Variants in KCNQ5 observed in about 807,000 individuals in gnomAD.
The protein encoded by KCNQ5 is potassium voltage-gated channel subfamily KQT member 5.
In KCNQ5, 30 loss-of-function variants were observed where a neutral mutation model predicts 98.2. The ratio of observed to expected loss-of-function variants is 0.31; its 90% CI spans 0.23 to 0.41. KCNQ5 has a LOEUF of 0.41. KCNQ5 is among the 10% of genes least tolerant of loss of function. The pLI is 1.00. For synonymous variants in KCNQ5, 458 were observed against 449.4 expected (o/e 1.02, Z -0.24); for missense variants, 835 against 1,182.5 (o/e 0.71, Z 4.31).
At chr6:73,007,337 T>C (rs544534430) in intron 2 of KCNQ5, among the ~76,000 whole-genome samples, 17 of 152,168 alleles carry the variant, frequency 1.1e-4, no homozygotes, top group Non-Finnish European at 1.9e-4. Flanking sequence ...GAATTCAAAT[T>C]TCACTCCTGT....
intron 1 of KCNQ5, among the ~76,000 whole-genome samples, chr6:72,695,235 C>A (rs1004958009): frequency 3.3e-5 from 5 of 152,104 alleles, no homozygotes; most frequent in Non-Finnish European, 5.9e-5. Flanking sequence ...CATAAATGAC[C>A]GTTGTTGTAA....
At chr6:73,102,669 T>C (rs943809364) in intron 5 of KCNQ5, among the ~76,000 whole-genome samples, 4 of 152,160 alleles carry the variant, frequency 2.6e-5, no homozygotes, top group South Asian at 4.1e-4. Flanking sequence ...ATCAGAGATA[T>C]GCAAATCAAA....
At chr6:72,922,560 C>T (rs1780446813) in intron 1 of KCNQ5, among the ~76,000 whole-genome samples, 1 of 152,108 alleles carries the variant, frequency 6.6e-6, no homozygotes. Flanking sequence ...CCAACATCTC[C>T]CCATATCCCT....
At chr6:72,645,388 GGA>G (rs1765543550) in intron 1 of KCNQ5, among the ~76,000 whole-genome samples, 1 of 78,688 alleles carries the variant, frequency 1.3e-5, no homozygotes, top group East Asian at 5.3e-4. Context: ...CTTGTCTCAA[GGA>G]AAAAAAAAAA....
At chr6:72,901,429 A>G (rs192018506) in intron 1 of KCNQ5, among the ~76,000 whole-genome samples, 26 of 152,254 alleles carry the variant, frequency 1.7e-4, no homozygotes, top group African/African-American at 6.0e-4. Context: ...GCCGAAGCCA[A>G]TGTCTAGAAG....
chr6:73,102,911 A>G (rs1014541640), intron 5 of KCNQ5, among the ~76,000 whole-genome samples: 3 of 152,288 alleles, frequency 2.0e-5, no homozygotes, highest in Admixed American at 2.0e-4. Flanking sequence ...TCATAAAACT[A>G]AAAATAGAGC....
intron 1 of KCNQ5, among the ~76,000 whole-genome samples, chr6:72,711,876 CA>C (rs1769388359): frequency 6.6e-6 from 1 of 152,206 alleles, no homozygotes; most frequent in South Asian, 2.1e-4. Context: ...CCCAACTTGA[CA>C]GTTCCATTTT....
intron 1 of KCNQ5, among the ~76,000 whole-genome samples, chr6:72,801,799 G>A (rs1443078716): frequency 2.0e-5 from 3 of 151,966 alleles, no homozygotes; most frequent in East Asian, 3.9e-4. Flanking sequence ...GCTTCCTTCA[G>A]GAGCTCTTTT....
At chr6:72,749,811 T>C (rs9442842) in intron 1 of KCNQ5, among the ~76,000 whole-genome samples, 25,998 of 152,092 alleles carry the variant, frequency 0.17, 2,436 homozygotes, top group African/African-American at 0.24. Context: ...TTTCTTTTCA[T>C]AGGACCTTTT....
chr6:73,060,235 C>T (rs1216847015), intron 3 of KCNQ5, among the ~76,000 whole-genome samples: 2 of 152,126 alleles, frequency 1.3e-5, no homozygotes, highest in Non-Finnish European at 2.9e-5. Context: ...TTGGATCTTC[C>T]ACCATAACCA....
chr6:72,650,009 A>T (rs1765798189), intron 1 of KCNQ5, among the ~76,000 whole-genome samples: 1 of 152,104 alleles, frequency 6.6e-6, no homozygotes, highest in Non-Finnish European at 1.5e-5. Flanking sequence ...ATTTTTACTC[A>T]TTATTTACAC....
At chr6:73,119,762 A>T (rs1775666973) in intron 7 of KCNQ5, among the ~76,000 whole-genome samples, 1 of 152,200 alleles carries the variant, frequency 6.6e-6, no homozygotes, top group Non-Finnish European at 1.5e-5. Context: ...TTGATTAAAG[A>T]TCAATCTCTA....
chr6:72,678,015 A>G (rs1225771941), intron 1 of KCNQ5, among the ~76,000 whole-genome samples: 1 of 152,208 alleles, frequency 6.6e-6, no homozygotes, highest in Non-Finnish European at 1.5e-5. Flanking sequence ...GGAAAAAAAG[A>G]AATTTTATTA....
intron 1 of KCNQ5, among the ~76,000 whole-genome samples, chr6:72,765,213 G>T (rs1046329351): frequency 1.3e-5 from 2 of 151,942 alleles, no homozygotes; most frequent in Non-Finnish European, 2.9e-5. Flanking sequence ...TTCCATAGTG[G>T]TTGTACTAAT....
At chr6:73,036,341 G>A (rs1456401839) in intron 2 of KCNQ5, among the ~76,000 whole-genome samples, 6 of 137,080 alleles carry the variant, frequency 4.4e-5, no homozygotes, top group Non-Finnish European at 7.5e-5. Context: ...AGCCGAGATC[G>A]CACCACTGCA....
chr6:73,030,090 G>T (rs1408801558), intron 2 of KCNQ5, among the ~76,000 whole-genome samples: 1 of 151,956 alleles, frequency 6.6e-6, no homozygotes. Flanking sequence ...AAATAAAAGA[G>T]ACTGCATATA....
intron 1 of KCNQ5, among the ~76,000 whole-genome samples, chr6:72,897,712 A>G (rs540836865): frequency 2.6e-4 from 40 of 152,334 alleles, no homozygotes; most frequent in Non-Finnish European, 5.4e-4. Context: ...GAGGAGAGGG[A>G]GTACGCAAGC....
intron 1 of KCNQ5, among the ~76,000 whole-genome samples, chr6:72,716,651 A>G (rs1441044622): frequency 6.6e-6 from 1 of 152,206 alleles, no homozygotes; most frequent in African/African-American, 2.4e-5. Context: ...ATGGCCATAT[A>G]TAGTAGGTGT....
rs561966938 is a variant in KCNQ5, at chr6:72,698,349, G to T, written c.398+75762G>T. On this transcript the variant is annotated intron_variant, in intron 1 of 13. Transcript: ENST00000370398. The stretch of plus-strand genomic sequence containing the variant: ...CTCCTGAGTAGGTGGGATTACAGGC[G>T]TGTGCCACCACGCCTGGCTAATTTT... Among the ~76,000 whole-genome samples the T allele has an allele frequency of 2.0e-5, 3 of 152,118 alleles. No individual in the cohort carries two copies. In the East Asian group the frequency reaches 5.8e-4, roughly 30 times the overall value.
Sources: gnomAD v4.1 joint callset for allele counts (sites outside exome capture counted in the v4.1 genomes callset) on GRCh38, gnomAD v4.1.1 for gene constraint, MANE v1.5 for transcripts, NCBI Gene and HGNC (gene_info 2026-07-23, HGNC 2026-07-21) for gene names.